PHTF1: variants seen among roughly 807,000 people sequenced by gnomAD.
The protein encoded by PHTF1 is putative homeodomain transcription factor 1.
PHTF1 carries 88 observed loss-of-function variants against 102.4 expected under a neutral mutation model. The ratio of observed to expected loss-of-function variants is 0.86; its 90% CI spans 0.72 to 1.03. The LOEUF is 1.03. Among genes scored for constraint, PHTF1 ranks in the 50% least tolerant of loss-of-function variants. The pLI, the probability that PHTF1 is intolerant of heterozygous loss-of-function variation, is 0.00. For missense variants in PHTF1, 814 were observed against 909.5 expected, an observed-to-expected ratio of 0.89 and a Z score of 1.35; for synonymous variants, 289 against 305.2, an observed-to-expected ratio of 0.95 and a Z score of 0.55.
intron 3 of PHTF1, among the ~76,000 whole-genome samples, chr1:113,745,329 C>T (rs1039027180): frequency 6.6e-6 from 1 of 152,098 alleles, no homozygotes; most frequent in African/African-American, 2.4e-5. Flanking sequence ...CAAAAAACAA[C>T]AACCTGGCTC....
In PHTF1 at chr1:113,736,615, G is replaced by A. The variant is rs937710515; in HGVS notation, c.331+1495C>T. 4.6e-5 allele frequency among the ~76,000 whole-genome samples: 7 copies of A among 151,742 alleles called. No homozygotes were observed. In the East Asian group the frequency reaches 7.8e-4, roughly 17 times the overall value. ...CAAAAAATTAGCTGGACGTGGTGGC[G>A]CACACCTGTATCCCAGCTACTCGGG... On this transcript the variant is annotated intron_variant, in intron 5 of 18. Coordinates refer to ENST00000369604, the MANE Select transcript of PHTF1 (RefSeq NM_001323043.2).
intron 18 of PHTF1, 100 bp from the exon 19 acceptor site, chr1:113,697,825 G>A: frequency 1.3e-6 from 1 of 792,276 alleles, no homozygotes; most frequent in Admixed American, 2.2e-5. Flanking sequence ...CTTTATAAAA[G>A]AAGAAAATGT....
chr1:113,728,773 G>A (rs1221414392), intron 5 of PHTF1, among the ~76,000 whole-genome samples: 2 of 152,184 alleles, frequency 1.3e-5, no homozygotes, highest in Non-Finnish European at 2.9e-5. Flanking sequence ...GCCAGGCATG[G>A]TGGCAGGCAC....
Position 113,710,434 on chromosome 1 carries a change from G to A in PHTF1, c.1089C>T (p.Asn363=), listed in dbSNP as rs768043063. The stretch of plus-strand genomic sequence containing the variant: ...TGCTTTCTGAGTCTCTTCTTGACAT[G>A]TTGAGGCTTCGAGAGCCACCACTCA... ...SGVSGGSRSL[N]MSRRDSESTR... is the part of the protein sequence containing the mutation. The change falls in exon 11 of 19, where the codon AAC becomes AAT. Residue 363 remains asparagine (N), a synonymous_variant. Coordinates refer to ENST00000369604, the MANE Select transcript of PHTF1 (RefSeq NM_001323043.2). The A allele has an allele frequency of 7.4e-6, 12 of 1,613,860 alleles. No individual in the cohort carries two copies. The African/African-American group carries it at 1.1e-4, about 14-fold the overall frequency.
At chr1:113,722,783 C>T (rs1338735257) in intron 7 of PHTF1, among the ~76,000 whole-genome samples, 3 of 150,682 alleles carry the variant, frequency 2.0e-5, no homozygotes, top group Non-Finnish European at 4.4e-5. Context: ...ATTAGCCAGG[C>T]GTGGTGGCAG....
chr1:113,737,658 G>A (rs1655700157), intron 5 of PHTF1, among the ~76,000 whole-genome samples: 3 of 152,136 alleles, frequency 2.0e-5, no homozygotes, highest in Admixed American at 2.0e-4. Context: ...AATTAGCCAG[G>A]CACAGTGGCA....
rs777962916 is a variant in PHTF1 at position 113,758,705 on chromosome 1, T to A, written c.-2A>T. 4.3e-6 allele frequency: 7 copies of A among 1,610,936 alleles called. No homozygotes were observed. In the Admixed American group the frequency reaches 1.2e-4, roughly 27 times the overall value. On this transcript the variant is annotated 5_prime_UTR_variant, in exon 2 of 19. Coordinates refer to ENST00000369604, the MANE Select transcript of PHTF1 (RefSeq NM_001323043.2). ...AGCATCTCTCTCATTTGAGGCCATCTGTGTCTCCAGCCAGAGAATGGGATT... is the reference window on the plus strand; with the variant it reads ...AGCATCTCTCTCATTTGAGGCCATCAGTGTCTCCAGCCAGAGAATGGGATT...
chr1:113,713,466 T>A, intron 7 of PHTF1, 28 bp from the exon 8 acceptor site: 1 of 1,333,704 alleles, frequency 7.5e-7, no homozygotes, highest in Non-Finnish European at 1.0e-6. Context: ...AAAAGAAGAT[T>A]AATTTTTTGA....
At chr1:113,754,851 G>T (rs1485589568) in intron 3 of PHTF1, among the ~76,000 whole-genome samples, 3 of 152,056 alleles carry the variant, frequency 2.0e-5, no homozygotes, top group Non-Finnish European at 4.4e-5. Context: ...CCTTCAAATA[G>T]ATTTATGGCC....
chr1:113,727,631 A>T (rs1654040751), intron 5 of PHTF1, among the ~76,000 whole-genome samples: 2 of 152,226 alleles, frequency 1.3e-5, no homozygotes, highest in Admixed American at 6.5e-5. Context: ...AATTTTGATC[A>T]CATCTATACA....
chr1:113,759,183 G>T lies in PHTF1; in HGVS notation c.-191C>A. 1.4e-6 allele frequency: 1 copy of T among 736,400 alleles called. No individual in the cohort carries two copies. Among genetic ancestry groups the T allele is most frequent in the Non-Finnish European group, 1.7e-6 (1 of 601,582 alleles). The allele number at this position is 736,400 out of a possible 1,614,324, so 45.6% of individuals were successfully genotyped here. On this transcript the variant is annotated 5_prime_UTR_variant, in exon 1 of 19. Transcript: ENST00000369604. ...CGTTACCATGGAGACCGCGGAGGCC[G>T]CCCCAGCTTCGGAGGCAGCCGGCCG...
At chr1:113,750,002 G>GTT (rs888126950) in intron 3 of PHTF1, among the ~76,000 whole-genome samples, 1 of 146,290 alleles carries the variant, frequency 6.8e-6, no homozygotes, top group African/African-American at 2.5e-5. Flanking sequence ...TTTTGTTTTT[G>GTT]TTTTTTTTTC....
chr1:113,705,623 G>T, intron 13 of PHTF1: 1 of 319,196 alleles, frequency 3.1e-6, no homozygotes, highest in Non-Finnish European at 5.9e-6. Flanking sequence ...GGACACTGAG[G>T]TGCAGATGCT....
At chr1:113,703,576 G>T (rs2101094335) in intron 15 of PHTF1, among the ~76,000 whole-genome samples, 1 of 152,024 alleles carries the variant, frequency 6.6e-6, no homozygotes, top group East Asian at 1.9e-4. Context: ...GCCCAGGTTG[G>T]TCTTCAACTC....
Position 113,704,816 on chromosome 1 carries a change from A to G in PHTF1, c.1672-19T>C. On this transcript the variant is annotated intron_variant, in intron 13 of 18. Coordinates refer to ENST00000369604, the MANE Select transcript of PHTF1 (RefSeq NM_001323043.2). ...AAAATCTCTAGAAGAGATTTAAAAA[A>G]AATCACAGTGAAATGTATGTATGTG... 1 of 1,535,046 alleles carries G rather than the reference A, an allele frequency of 6.5e-7. No homozygotes were observed. The highest frequency in any genetic ancestry group is 8.9e-7 in the Non-Finnish European group (1 of 1,122,250).
At chr1:113,737,530 T>TG (rs1414239420) in intron 5 of PHTF1, among the ~76,000 whole-genome samples, 2 of 152,150 alleles carry the variant, frequency 1.3e-5, no homozygotes, top group Non-Finnish European at 2.9e-5. Flanking sequence ...CTTTAGGTAA[T>TG]CCAATATTCA....
At position 113,697,654 on chromosome 1, in the gene PHTF1, G is replaced by T; in HGVS notation, c.*51C>A. The stretch of plus-strand genomic sequence containing the variant: ...GGTTTCTGCAGTCATCACTTTCCTT[G>T]ATAGGTAAGTTTTGATACCAGCCAG... On this transcript the variant is annotated 3_prime_UTR_variant, in exon 19 of 19. Coordinates refer to ENST00000369604, the MANE Select transcript of PHTF1 (RefSeq NM_001323043.2). 1 of 1,359,028 alleles carries T rather than the reference G, an allele frequency of 7.4e-7. No homozygotes were observed. Among genetic ancestry groups the T allele is most frequent in the Non-Finnish European group, 1.1e-6 (1 of 949,334 alleles). 84.2% of individuals were successfully genotyped at this position (1,359,028 alleles called of 1,614,324 possible). A position where few individuals can be genotyped will look rare whatever the true frequency, so the allele number is the denominator to read the frequency against.
Position 113,700,817 on chromosome 1 carries a change from C to T in PHTF1, c.2023G>A (p.Val675Ile), listed in dbSNP as rs747347124. 1 of 1,613,760 alleles carries T rather than the reference C, an allele frequency of 6.2e-7. No homozygotes were observed. Among genetic ancestry groups the T allele is most frequent in the East Asian group, 2.2e-5 (1 of 44,876 alleles). ...GSETNKKYSN[V>I]SILLTEQINL... ...ACCTGTTCTGTAAGTAATATTGAAA[C>T]ATTGCTGTATTTCTTATTGGTTTCA... is the stretch of plus-strand genomic sequence containing the variant. The change falls in exon 16 of 19, where the codon GTT becomes ATT. Residue 675 changes from valine to isoleucine, a missense_variant. Physicochemically the swap from Val to Ile is conservative, Grantham distance 29 (BLOSUM62 3). Transcript: ENST00000369604.
chr1:113,756,221 A>G (rs1305914054), intron 3 of PHTF1, among the ~76,000 whole-genome samples: 1 of 152,178 alleles, frequency 6.6e-6, no homozygotes, highest in African/African-American at 2.4e-5. Context: ...AGCAGCTCAC[A>G]AAAAAATAAC....
Sources: allele counts gnomAD v4.1 joint callset (sites outside exome capture counted in the v4.1 genomes callset), GRCh38; gene constraint gnomAD v4.1.1; transcripts MANE v1.5; gene names NCBI Gene and HGNC (gene_info 2026-07-23, HGNC 2026-07-21).